Variants in RANBP2 observed in about 807,000 individuals in gnomAD.
RANBP2 encodes RAN binding protein 2.
In RANBP2, 57 loss-of-function variants were observed where a neutral mutation model predicts 303.6. The observed-to-expected ratio is 0.19, with a 90% CI of 0.15 to 0.23. The LOEUF (loss-of-function observed/expected upper bound fraction) is 0.23. Among genes scored for constraint, RANBP2 ranks in the 10% least tolerant of loss-of-function variants. The pLI is 1.00. For missense variants in RANBP2, 3,138 were observed against 3,780.8 expected (o/e 0.83, Z 4.46); for synonymous variants, 1,167 against 1,301.5 (o/e 0.90, Z 2.23).
the RANBP2 span, among the ~76,000 whole-genome samples, chr2:108,966,412 G>A: frequency 6.6e-6 from 1 of 152,210 alleles, no homozygotes; most frequent in African/African-American, 2.4e-5. Flanking sequence ...CCAGCCGCAG[G>A]CAGAGCTCCT....
At chr2:109,638,299 G>A in the RANBP2 span, among the ~76,000 whole-genome samples, 2 of 152,270 alleles carry the variant, frequency 1.3e-5, no homozygotes, top group South Asian at 2.1e-4. Context: ...GCAAAATGAG[G>A]CTCATTTAAA....
chr2:109,317,998 GA>G, the RANBP2 span, among the ~76,000 whole-genome samples: 1 of 151,824 alleles, frequency 6.6e-6, no homozygotes, highest in Non-Finnish European at 1.5e-5. Flanking sequence ...GCCTGCATCT[GA>G]ACGGAAGGCC....
the RANBP2 span, chr2:108,847,053 T>C: frequency 1.6e-6 from 1 of 632,898 alleles, no homozygotes; most frequent in Non-Finnish European, 2.7e-6. Flanking sequence ...TGTTTTATAA[T>C]GGTTACACAT....
chr2:109,479,325 G>A, the RANBP2 span, among the ~76,000 whole-genome samples: 1 of 152,130 alleles, frequency 6.6e-6, no homozygotes, highest in Non-Finnish European at 1.5e-5. Context: ...GTAGAGGGGG[G>A]CTAGTGAGTA....
chr2:109,136,730 T>C, the RANBP2 span, among the ~76,000 whole-genome samples: 1 of 152,204 alleles, frequency 6.6e-6, no homozygotes, highest in Admixed American at 6.5e-5. Flanking sequence ...TTCCACTTAA[T>C]GTAATGTGTG....
chr2:109,634,538 T>G, the RANBP2 span, among the ~76,000 whole-genome samples: 1 of 152,276 alleles, frequency 6.6e-6, no homozygotes, highest in South Asian at 2.1e-4. Context: ...AAAATAAAGA[T>G]ATCTTTCAAA....
chr2:109,370,969 AT>A, the RANBP2 span, among the ~76,000 whole-genome samples: 9 of 152,192 alleles, frequency 5.9e-5, no homozygotes, highest in Non-Finnish European at 1.0e-4. Context: ...AGCTGAATTT[AT>A]TTTTATTCCA....
At chr2:109,534,769 C>CAA in the RANBP2 span, among the ~76,000 whole-genome samples, 80 of 126,180 alleles carry the variant, frequency 6.3e-4, no homozygotes, top group African/African-American at 2.1e-3. Context: ...AACTCAGTCT[C>CAA]AAAAAAAAAA....
the RANBP2 span, chr2:108,846,814 A>T: frequency 6.2e-7 from 1 of 1,612,614 alleles, no homozygotes; most frequent in Non-Finnish European, 8.5e-7. Context: ...GGAATTCAGG[A>T]TAATTCTCCA....
the RANBP2 span, among the ~76,000 whole-genome samples, chr2:109,709,289 A>G: frequency 6.9e-6 from 1 of 144,630 alleles, no homozygotes; most frequent in Non-Finnish European, 1.5e-5. Flanking sequence ...CTGGGCAACA[A>G]GAGCGAAACT....
chr2:109,653,228 C>G, the RANBP2 span, among the ~76,000 whole-genome samples: 1 of 152,060 alleles, frequency 6.6e-6, no homozygotes, highest in African/African-American at 2.4e-5. Context: ...AACCCCGTCT[C>G]TACTAAAAGT....
chr2:109,545,001 A>G, the RANBP2 span: 1 of 985,466 alleles, frequency 1.0e-6, no homozygotes, highest in Non-Finnish European at 1.2e-6. Flanking sequence ...CCTGTGGTTT[A>G]CTTCTCCATA....
At chr2:109,482,867 G>C in the RANBP2 span, among the ~76,000 whole-genome samples, 1 of 152,282 alleles carries the variant, frequency 6.6e-6, no homozygotes, top group East Asian at 1.9e-4. Flanking sequence ...TTCACTGGCT[G>C]CTGCCTCCCG....
the RANBP2 span, among the ~76,000 whole-genome samples, chr2:109,680,980 A>C: frequency 6.6e-6 from 1 of 152,218 alleles, no homozygotes; most frequent in Non-Finnish European, 1.5e-5. Flanking sequence ...TCATAGATAC[A>C]GTCCCTGAAA....
At chr2:109,191,566 A>C in the RANBP2 span, among the ~76,000 whole-genome samples, 4 of 152,324 alleles carry the variant, frequency 2.6e-5, no homozygotes, top group East Asian at 7.7e-4. Flanking sequence ...GCTGCCTCCC[A>C]CATTATGTGA....
the RANBP2 span, among the ~76,000 whole-genome samples, chr2:109,312,084 T>A: frequency 6.6e-6 from 1 of 152,354 alleles, no homozygotes; most frequent in East Asian, 1.9e-4. Flanking sequence ...TGTATGTGTT[T>A]TTATGGTTTC....
the RANBP2 span, among the ~76,000 whole-genome samples, chr2:109,343,936 G>A: frequency 2.0e-5 from 3 of 152,130 alleles, no homozygotes; most frequent in South Asian, 2.1e-4. Flanking sequence ...TAGAGATAGG[G>A]TCTCAGCGTG....
chr2:109,059,419 C>CA, the RANBP2 span, among the ~76,000 whole-genome samples: 1 of 152,066 alleles, frequency 6.6e-6, no homozygotes, highest in African/African-American at 2.4e-5. Flanking sequence ...ACTAAAAATA[C>CA]AAACAATTAG....
At chr2:109,481,392 G>A in the RANBP2 span, among the ~76,000 whole-genome samples, 1 of 152,006 alleles carries the variant, frequency 6.6e-6, no homozygotes, top group Non-Finnish European at 1.5e-5. Flanking sequence ...TTCTGGCAGC[G>A]TTCCTGCCCA....
Sources: gnomAD v4.1 joint callset for allele counts (sites outside exome capture counted in the v4.1 genomes callset) on GRCh38, gnomAD v4.1.1 for gene constraint, MANE v1.5 for transcripts, NCBI Gene and HGNC (gene_info 2026-07-23, HGNC 2026-07-21) for gene names.